The following ADGRV1 variants were observed in gnomAD, a reference collection of about 807,000 sequenced individuals.
The protein encoded by ADGRV1 is adhesion G protein-coupled receptor V1.
A neutral mutation model predicts 596.2 loss-of-function variants in ADGRV1; 359 were observed. The ratio of observed to expected loss-of-function variants is 0.60; its 90% CI spans 0.55 to 0.66. ADGRV1 has a LOEUF of 0.66. Among genes scored for constraint, ADGRV1 ranks in the 30% least tolerant of loss-of-function variants. ADGRV1 has a pLI of 0.00. For synonymous variants in ADGRV1, 2,681 were observed against 2,679.2 expected (o/e 1.00, Z -0.02); for missense variants, 7,274 against 7,575.6 (o/e 0.96, Z 1.48).
At chr5:91,041,648 A>AG (rs1554203910) in intron 85 of ADGRV1, among the ~76,000 whole-genome samples, 18 of 150,076 alleles carry the variant, frequency 1.2e-4, no homozygotes, top group South Asian at 8.4e-4. Context: ...AAAAAAAAAA[A>AG]AGAGAGAGAG....
chr5:90,897,887 T>G lies in ADGRV1; in HGVS notation c.17856+34030T>G, dbSNP rs370174130. On this transcript the variant is annotated intron_variant, in intron 83 of 89. Coordinates refer to ENST00000405460, the MANE Select transcript of ADGRV1 (RefSeq NM_032119.4). ...GATTTGGTGAACTTGCCAAACCCCA[T>G]AACAGTAGCAGATGGATGAGGTTTA... 3.9e-5 allele frequency among the ~76,000 whole-genome samples: 6 copies of G among 152,148 alleles called. No individual in the cohort carries two copies. The South Asian group carries it at 1.2e-3, about 32-fold the overall frequency.
At chr5:90,972,358 G>C (rs1779121287) in intron 84 of ADGRV1, among the ~76,000 whole-genome samples, 1 of 152,070 alleles carries the variant, frequency 6.6e-6, no homozygotes. Flanking sequence ...GGATCTAATA[G>C]ACATCTACAG....
chr5:91,009,112 A>G (rs572372085), intron 85 of ADGRV1, among the ~76,000 whole-genome samples: 79 of 152,308 alleles, frequency 5.2e-4, no homozygotes, highest in African/African-American at 1.8e-3. Flanking sequence ...TGTGTTGTTC[A>G]TAGAAGTAAA....
At position 90,854,127 on chromosome 5, in the gene ADGRV1, C is replaced by T. The variant is rs1460854464; in HGVS notation, c.17520C>T (p.Tyr5840=). The change falls in exon 81 of 90, where the codon TAC becomes TAT. Residue 5840 remains tyrosine, a synonymous_variant. Coordinates refer to ENST00000405460, the MANE Select transcript of ADGRV1 (RefSeq NM_032119.4). ...QLLTNDNEVL[Y]RIYAAEPRII... ...TGACTAATGACAATGAGGTTCTCTA[C>T]AGGATTTATGCTGCTGAGCCTAGAA... 6.3e-7 allele frequency: 1 copy of T among 1,576,926 alleles called. No homozygotes were observed.
chr5:90,677,965 G>C (rs796313781), intron 25 of ADGRV1, among the ~76,000 whole-genome samples: 7 of 152,304 alleles, frequency 4.6e-5, no homozygotes, highest in African/African-American at 1.7e-4. Flanking sequence ...TGAAACTGAT[G>C]ATTCTACATA....
Position 90,712,277 on chromosome 5 carries a change from T to G in ADGRV1, c.9043-10T>G. The G allele has an allele frequency of 1.3e-6, 2 of 1,505,062 alleles. No individual in the cohort carries two copies. Among genetic ancestry groups the G allele is most frequent in the Non-Finnish European group, 1.8e-6 (2 of 1,115,094 alleles). The allele number at this position is 1,505,062 out of a possible 1,614,324, so 93.2% of individuals were successfully genotyped here. A position where few individuals can be genotyped will look rare whatever the true frequency, so the allele number is the denominator to read the frequency against. On this transcript the variant is annotated splice_polypyrimidine_tract_variant and intron_variant, in intron 41 of 89. Coordinates refer to ENST00000405460, the MANE Select transcript of ADGRV1 (RefSeq NM_032119.4). ...AATATAATACATTCTGCTTTTACCT[T>G]TTTGACCAGATTCTTCATTTTGCTG...
intron 83 of ADGRV1, among the ~76,000 whole-genome samples, chr5:90,912,590 A>T (rs147828662): frequency 1.4e-4 from 22 of 152,164 alleles, no homozygotes; most frequent in African/African-American, 5.3e-4. Flanking sequence ...CTTTATGTCC[A>T]TGAGTACCTA....
chr5:90,795,664 T>G (rs751791055), intron 70 of ADGRV1, among the ~76,000 whole-genome samples: 1 of 152,138 alleles, frequency 6.6e-6, no homozygotes, highest in Non-Finnish European at 1.5e-5. Flanking sequence ...TCAGACTGCC[T>G]CCTCAAGTGG....
chr5:90,788,012 G>GT (rs1345956903), intron 67 of ADGRV1, 59 bp from the exon 68 acceptor site: 1 of 1,326,330 alleles, frequency 7.5e-7, no homozygotes, highest in African/African-American at 1.5e-5. Flanking sequence ...CCCTGAAATA[G>GT]TTTTTTGCTT....
chr5:90,783,758 T>G (rs1178000732), intron 66 of ADGRV1, 80 bp from the exon 67 acceptor site: 1 of 1,090,374 alleles, frequency 9.2e-7, no homozygotes, highest in Non-Finnish European at 1.3e-6. Context: ...ATGACCAATT[T>G]GGAAAATGAC....
chr5:90,695,615 C>T (rs1490292512), intron 33 of ADGRV1, among the ~76,000 whole-genome samples: 1 of 151,974 alleles, frequency 6.6e-6, no homozygotes, highest in Non-Finnish European at 1.5e-5. Context: ...TGTTGTTTAA[C>T]TTTTTAAGGC....
At chr5:90,835,563 TCTAA>T (rs1466243426) in intron 77 of ADGRV1, among the ~76,000 whole-genome samples, 1 of 152,054 alleles carries the variant, frequency 6.6e-6, no homozygotes, top group African/African-American at 2.4e-5. Flanking sequence ...TATATCATAG[TCTAA>T]CTAATAAAAA....
At chr5:90,763,749 C>T (rs1392418658) in intron 59 of ADGRV1, among the ~76,000 whole-genome samples, 4 of 152,182 alleles carry the variant, frequency 2.6e-5, no homozygotes, top group Non-Finnish European at 4.4e-5. Context: ...CATTGTCTGG[C>T]TCCTACTTAT....
At chr5:90,734,012 T>C (rs1015177424) in intron 50 of ADGRV1, among the ~76,000 whole-genome samples, 1 of 152,198 alleles carries the variant, frequency 6.6e-6, no homozygotes, top group African/African-American at 2.4e-5. Flanking sequence ...AGTGAGATCA[T>C]GCAGTATTTG....
chr5:90,880,598 C>A (rs942965285), intron 83 of ADGRV1, among the ~76,000 whole-genome samples: 1 of 152,122 alleles, frequency 6.6e-6, no homozygotes, highest in Non-Finnish European at 1.5e-5. Context: ...TATGGGAGGT[C>A]ATGAAAGCTT....
At chr5:90,862,719 C>T (rs1390951363) in intron 82 of ADGRV1, among the ~76,000 whole-genome samples, 6 of 152,158 alleles carry the variant, frequency 3.9e-5, no homozygotes, top group Admixed American at 1.3e-4. Context: ...CCTTGACTAA[C>T]GCAAAGCTTC....
chr5:91,159,855 T>C (rs1796798758), intron 89 of ADGRV1, among the ~76,000 whole-genome samples: 1 of 152,140 alleles, frequency 6.6e-6, no homozygotes, highest in South Asian at 2.1e-4. Context: ...AGGATGAGGG[T>C]AGGATGGAAA....
intron 83 of ADGRV1, among the ~76,000 whole-genome samples, chr5:90,920,049 C>T (rs2150734498): frequency 6.8e-6 from 1 of 146,506 alleles, no homozygotes; most frequent in East Asian, 2.0e-4. Flanking sequence ...ATTTACATAA[C>T]TGTCTTAGCC....
intron 84 of ADGRV1, among the ~76,000 whole-genome samples, chr5:90,976,844 A>G (rs747695027): frequency 3.9e-5 from 6 of 152,204 alleles, no homozygotes; most frequent in South Asian, 2.1e-4. Flanking sequence ...TCTCATGCCT[A>G]GAGTCACAGC....
Sources: allele counts gnomAD v4.1 joint callset (sites outside exome capture counted in the v4.1 genomes callset), GRCh38; gene constraint gnomAD v4.1.1; transcripts MANE v1.5; gene names NCBI Gene and HGNC (gene_info 2026-07-23, HGNC 2026-07-21).